DNAAF5: variants seen among roughly 807,000 people sequenced by gnomAD.
DNAAF5 encodes HEAT repeat containing 2.
Under a neutral mutation model 75.8 loss-of-function variants are expected in DNAAF5, and 64 were observed. The observed-to-expected ratio is 0.84, with a 90% CI of 0.69 to 1.04. The LOEUF (loss-of-function observed/expected upper bound fraction) is 1.04, where lower values mean the gene tolerates loss of function less well. DNAAF5 is among the 50% of genes least tolerant of loss of function. The probability of loss-of-function intolerance (pLI) is 0.00; values close to 1 mark genes in which losing one functional copy is unlikely to be tolerated. For missense variants in DNAAF5, 1,269 were observed against 1,178.5 expected (o/e 1.08, Z -1.12); for synonymous variants, 657 against 557.2 (o/e 1.18, Z -2.52).
intron 12 of DNAAF5, among the ~76,000 whole-genome samples, chr7:784,296 T>C (rs1779079726): frequency 6.6e-6 from 1 of 152,184 alleles, no homozygotes; most frequent in Admixed American, 6.5e-5. Context: ...GCTCTTCTCC[T>C]GGCCTCAGCT....
intron 4 of DNAAF5, among the ~76,000 whole-genome samples, chr7:750,574 G>A (rs1015857654): frequency 6.6e-6 from 1 of 152,134 alleles, no homozygotes; most frequent in South Asian, 2.1e-4. Context: ...CAGTTCACAG[G>A]AGGGTTTGCC....
chr7:731,165 G>C (rs1421172627), intron 2 of DNAAF5, among the ~76,000 whole-genome samples: 3 of 152,086 alleles, frequency 2.0e-5, no homozygotes, highest in Admixed American at 2.0e-4. Context: ...CTGTGTCATG[G>C]GCCAAGTCTT....
At chr7:785,385 C>A in intron 12 of DNAAF5, 132 bp from the exon 13 acceptor site, 1 of 971,544 alleles carries the variant, frequency 1.0e-6, no homozygotes. Flanking sequence ...TGTATGTCCA[C>A]CCAGCAGCGT....
At chr7:767,253 A>AG (rs1226946982) in intron 8 of DNAAF5, among the ~76,000 whole-genome samples, 53 of 147,834 alleles carry the variant, frequency 3.6e-4, no homozygotes, top group African/African-American at 1.3e-3. Flanking sequence ...AAAAAAAAAA[A>AG]AAAGACTGTA....
At position 738,878 on chromosome 7, in the gene DNAAF5, C is replaced by A. The variant is rs549974629; in HGVS notation, c.781-1941C>A. 1.6e-4 allele frequency among the ~76,000 whole-genome samples: 24 copies of A among 152,328 alleles called. No homozygotes were observed. In the East Asian group the frequency reaches 3.5e-3, roughly 22 times the overall value. On this transcript the variant is annotated intron_variant, in intron 2 of 12. Coordinates refer to ENST00000297440, the MANE Select transcript of DNAAF5 (RefSeq NM_017802.4). The stretch of plus-strand genomic sequence containing the variant: ...AGACAGGTGGCCGTCCTGGGTGGGG[C>A]CCCGCAGAGACCCTGGCACACAGTG...
chr7:761,238 C>G (rs959260689), intron 6 of DNAAF5, among the ~76,000 whole-genome samples: 4 of 115,930 alleles, frequency 3.5e-5, no homozygotes, highest in African/African-American at 1.2e-4. Context: ...TGCCGGCACC[C>G]TACCTCCAGC....
intron 12 of DNAAF5, among the ~76,000 whole-genome samples, chr7:784,185 C>G (rs1254587670): frequency 6.6e-6 from 1 of 152,198 alleles, no homozygotes; most frequent in Non-Finnish European, 1.5e-5. Flanking sequence ...GCCACGCACC[C>G]TCCTCTGGCT....
At chr7:767,897 C>A (rs998338288) in intron 8 of DNAAF5, among the ~76,000 whole-genome samples, 1 of 148,748 alleles carries the variant, frequency 6.7e-6, no homozygotes. Flanking sequence ...TGGAAGTGTC[C>A]CTGCTGCAAG....
chr7:731,875 G>A (rs1424544467), intron 2 of DNAAF5, among the ~76,000 whole-genome samples: 4 of 151,916 alleles, frequency 2.6e-5, no homozygotes, highest in Non-Finnish European at 4.4e-5. Context: ...TCAGCCCTGC[G>A]ACCCCGTCCT....
At chr7:767,140 G>A (rs1778329129) in intron 8 of DNAAF5, among the ~76,000 whole-genome samples, 1 of 151,598 alleles carries the variant, frequency 6.6e-6, no homozygotes, top group Admixed American at 6.6e-5. Context: ...TCGGGAGGCT[G>A]AGGCAGGACA....
At chr7:736,241 T>G (rs951096530) in intron 2 of DNAAF5, among the ~76,000 whole-genome samples, 1 of 152,232 alleles carries the variant, frequency 6.6e-6, no homozygotes, top group African/African-American at 2.4e-5. Flanking sequence ...ATAGTACAGA[T>G]TAAGTCTGAT....
intron 2 of DNAAF5, among the ~76,000 whole-genome samples, chr7:738,407 A>C (rs576337386): frequency 1.3e-5 from 2 of 152,086 alleles, no homozygotes; most frequent in East Asian, 3.9e-4. Flanking sequence ...TCACCCCAGG[A>C]TTGGTCACCG....
chr7:770,695 T>C, intron 9 of DNAAF5, 77 bp downstream of exon 9: 1 of 1,408,406 alleles, frequency 7.1e-7, no homozygotes. Flanking sequence ...CCCCAACAGC[T>C]CACTGAGCAA....
intron 1 of DNAAF5, among the ~76,000 whole-genome samples, chr7:729,127 G>C (rs1781474301): frequency 6.6e-6 from 1 of 151,768 alleles, no homozygotes; most frequent in African/African-American, 2.4e-5. Context: ...CTCCCAAGTA[G>C]CTGGGATTAC....
chr7:772,232 C>T (rs1483864845), intron 9 of DNAAF5: 1 of 152,252 alleles, frequency 6.6e-6, no homozygotes, highest in African/African-American at 2.4e-5. Context: ...CTGTGTCTTA[C>T]CTGGGACACT....
intron 12 of DNAAF5, among the ~76,000 whole-genome samples, chr7:782,899 G>A (rs187900624): frequency 6.6e-6 from 1 of 151,088 alleles, no homozygotes; most frequent in African/African-American, 2.4e-5. Flanking sequence ...TCAGAAACTC[G>A]ATCTTCCTGG....
chr7:727,531 C>G (rs1218471439), intron 1 of DNAAF5: 1 of 301,700 alleles, frequency 3.3e-6, no homozygotes, highest in Admixed American at 5.4e-5. Context: ...CTTCCCCTGC[C>G]TCACGTCCCG....
intron 8 of DNAAF5, among the ~76,000 whole-genome samples, chr7:767,828 G>A (rs1377051756): frequency 6.6e-6 from 1 of 151,102 alleles, no homozygotes; most frequent in African/African-American, 2.4e-5. Flanking sequence ...CGTGGTCCGG[G>A]TGGAAGTGTC....
At chr7:769,974 C>T (rs979955999) in intron 8 of DNAAF5, among the ~76,000 whole-genome samples, 63 of 151,946 alleles carry the variant, frequency 4.1e-4, no homozygotes, top group African/African-American at 1.4e-3. Context: ...TTTTTTGAGA[C>T]ATAGTCTCAC....
Sources: allele counts gnomAD v4.1 joint callset (sites outside exome capture counted in the v4.1 genomes callset), GRCh38; gene constraint gnomAD v4.1.1; transcripts MANE v1.5; gene names NCBI Gene and HGNC (gene_info 2026-07-23, HGNC 2026-07-21).